Variants in TRPC6 observed in about 807,000 individuals in gnomAD.
The protein encoded by TRPC6 is transient receptor potential cation channel subfamily C member 6, also known as short transient receptor potential channel 6.
In TRPC6, 55 loss-of-function variants were observed where a neutral mutation model predicts 90.7. That is an observed-to-expected ratio of 0.61 (90% CI 0.49 to 0.76). The LOEUF (loss-of-function observed/expected upper bound fraction) is 0.76. TRPC6 is among the 30% of genes least tolerant of loss of function. TRPC6 has a pLI of 0.00. For synonymous variants in TRPC6, 393 were observed against 393.0 expected (o/e 1.00, Z 0.00); for missense variants, 989 against 1,122.7 (o/e 0.88, Z 1.70).
chr11:101,534,197 G>T (rs1004735014), intron 1 of TRPC6, among the ~76,000 whole-genome samples: 1 of 151,928 alleles, frequency 6.6e-6, no homozygotes, highest in African/African-American at 2.4e-5. Context: ...GTGCAGTGGC[G>T]CCATCTCAGC....
At position 101,489,060 on chromosome 11, in the gene TRPC6, A is replaced by T. The variant is rs922438416; in HGVS notation, c.1170T>A (p.Ile390=). The change falls in exon 4 of 13, where the codon ATT becomes ATA. Residue 390 remains isoleucine, a synonymous_variant. Coordinates refer to ENST00000344327, the MANE Select transcript of TRPC6 (RefSeq NM_004621.6). ...GTAAACCAGAAAGATTCTCATACCA[A>T]ATGGAGAGAAGTTGCTGTTGGCAGT... The part of the protein sequence containing the change: ...HPNCQQQLLS[I]WYENLSGLRQ... 6.2e-7 allele frequency: 1 copy of T among 1,614,178 alleles called. No individual in the cohort carries two copies. Among genetic ancestry groups the T allele is most frequent in the Non-Finnish European group, 8.5e-7 (1 of 1,180,006 alleles).
At chr11:101,485,126 T>TACAA (rs1555000005) in intron 4 of TRPC6, among the ~76,000 whole-genome samples, 2 of 143,856 alleles carry the variant, frequency 1.4e-5, no homozygotes, top group Non-Finnish European at 3.1e-5. Flanking sequence ...GGCCAAAGAA[T>TACAA]ACACACACAC....
At chr11:101,494,038 T>C (rs1859887183) in intron 2 of TRPC6, among the ~76,000 whole-genome samples, 1 of 152,200 alleles carries the variant, frequency 6.6e-6, no homozygotes, top group Non-Finnish European at 1.5e-5. Flanking sequence ...TAGTTGAGAA[T>C]GGCTCAAACT....
At chr11:101,529,784 G>C (rs1227187554) in intron 1 of TRPC6, among the ~76,000 whole-genome samples, 1 of 152,190 alleles carries the variant, frequency 6.6e-6, no homozygotes, top group Admixed American at 6.5e-5. Context: ...ACTGATAGAA[G>C]TGCCTCAGTG....
At chr11:101,516,320 GA>G (rs1860521277) in intron 1 of TRPC6, among the ~76,000 whole-genome samples, 1 of 151,934 alleles carries the variant, frequency 6.6e-6, no homozygotes, top group South Asian at 2.1e-4. Flanking sequence ...TTATTATTGT[GA>G]CGCACACATG....
At position 101,472,264 on chromosome 11, in the gene TRPC6, A is replaced by G. The variant is rs1444366835; in HGVS notation, c.2078T>C (p.Ile693Thr). ...FGLSEVKSVV[I>T]NYNHKFIENI... ...TTCAATGAATTTGTGGTTATAGTTG[A>G]TGACCACTGATTTCACTTCAGAAAG... The change falls in exon 8 of 13, where the codon ATC becomes ACC. Residue 693 changes from isoleucine to threonine, a missense_variant. Around this residue, in one of 4 missense-constraint regions of TRPC6, gnomAD observed 118 missense variants for 197.6 expected, o/e 0.60. Transcript: ENST00000344327. The G allele has an allele frequency of 6.2e-7, 1 of 1,613,410 alleles. No individual in the cohort carries two copies. Among genetic ancestry groups the G allele is most frequent in the Non-Finnish European group, 8.5e-7 (1 of 1,179,570 alleles).
At position 101,474,888 on chromosome 11, in the gene TRPC6, A is replaced by ATTC. The variant is rs1485456042; in HGVS notation, c.1745-1116_1745-1115insGAA. On this transcript the variant is annotated intron_variant, in intron 6 of 12. Transcript: ENST00000344327. Reference sequence around the variant, plus strand: ...CTTATCTGATTGCTAAATTGGGATGAATAACTGGACATAGTTAGCTCGGCA... The same window carrying ATTC: ...CTTATCTGATTGCTAAATTGGGATGATTCATAACTGGACATAGTTAGCTCGGCA... Among the ~76,000 whole-genome samples, 4 of 152,166 alleles carry ATTC rather than the reference A, an allele frequency of 2.6e-5. No individual in the cohort carries two copies. The East Asian group carries it at 5.8e-4, about 22-fold the overall frequency.
chr11:101,534,778 C>T (rs1860996676), intron 1 of TRPC6, among the ~76,000 whole-genome samples: 3 of 152,094 alleles, frequency 2.0e-5, no homozygotes, highest in Non-Finnish European at 4.4e-5. Flanking sequence ...ATCTGCATTT[C>T]AGAAAATTTT....
intron 1 of TRPC6, among the ~76,000 whole-genome samples, chr11:101,510,264 A>G (rs1474906452): frequency 2.6e-5 from 4 of 152,156 alleles, no homozygotes; most frequent in African/African-American, 9.7e-5. Flanking sequence ...AATTCAGGAA[A>G]GATACTAGAT....
At chr11:101,571,027 A>G (rs1861952191) in intron 1 of TRPC6, among the ~76,000 whole-genome samples, 1 of 152,212 alleles carries the variant, frequency 6.6e-6, no homozygotes, top group Non-Finnish European at 1.5e-5. Context: ...CAGGGGATTC[A>G]GGCAAGACAA....
intron 1 of TRPC6, among the ~76,000 whole-genome samples, chr11:101,540,025 C>G (rs7123468): frequency 0.22 from 33,411 of 152,174 alleles, 3,780 homozygotes; most frequent in Admixed American, 0.27. Flanking sequence ...TAAACCTCTA[C>G]TTATGTCAAA....
intron 5 of TRPC6, among the ~76,000 whole-genome samples, chr11:101,481,728 C>T (rs909392923): frequency 6.6e-6 from 1 of 152,190 alleles, no homozygotes; most frequent in Non-Finnish European, 1.5e-5. Flanking sequence ...GGGAGCACTT[C>T]CATTGAGTCT....
At chr11:101,579,532 T>C (rs892744713) in intron 1 of TRPC6, among the ~76,000 whole-genome samples, 3 of 152,228 alleles carry the variant, frequency 2.0e-5, no homozygotes, top group Admixed American at 6.5e-5. Context: ...CTTGCTTTCT[T>C]CTTGAAAAGC....
intron 1 of TRPC6, among the ~76,000 whole-genome samples, chr11:101,574,978 C>G (rs1198841889): frequency 6.6e-6 from 1 of 152,122 alleles, no homozygotes; most frequent in Non-Finnish European, 1.5e-5. Flanking sequence ...CAAACCAAAG[C>G]TGGTGCAATG....
intron 1 of TRPC6, among the ~76,000 whole-genome samples, chr11:101,525,972 C>A (rs998285607): frequency 4.6e-5 from 7 of 152,140 alleles, no homozygotes; most frequent in African/African-American, 1.7e-4. Flanking sequence ...AGCTCCTTTT[C>A]TTTGGGATCC....
chr11:101,496,628 A>G (rs1015252323), intron 2 of TRPC6, among the ~76,000 whole-genome samples: 2 of 152,182 alleles, frequency 1.3e-5, no homozygotes, highest in African/African-American at 4.8e-5. Flanking sequence ...GGTTATATAC[A>G]CTTAGTATAA....
At chr11:101,465,427 T>C (rs1859120229) in intron 10 of TRPC6, among the ~76,000 whole-genome samples, 1 of 152,226 alleles carries the variant, frequency 6.6e-6, no homozygotes, top group Admixed American at 6.5e-5. Context: ...GGTACACTAA[T>C]CTAATGTAGG....
intron 10 of TRPC6, among the ~76,000 whole-genome samples, chr11:101,463,459 C>G (rs7120857): frequency 0.31 from 47,069 of 151,886 alleles, 9,451 homozygotes; most frequent in African/African-American, 0.58. Context: ...TTGGTTGGTA[C>G]GCTATTATTA....
chr11:101,561,310 T>C (rs940227262), intron 1 of TRPC6, among the ~76,000 whole-genome samples: 3 of 152,192 alleles, frequency 2.0e-5, no homozygotes, highest in Non-Finnish European at 4.4e-5. Context: ...ACTGTCCTCC[T>C]TCTCATTTGT....
Sources: gnomAD v4.1 joint callset for allele counts (sites outside exome capture counted in the v4.1 genomes callset) on GRCh38, gnomAD v4.1.1 for gene constraint, gnomAD v4.1.1 regional missense constraint, MANE v1.5 for transcripts, NCBI Gene and HGNC (gene_info 2026-07-23, HGNC 2026-07-21) for gene names.